The following BCAS3 variants were observed in gnomAD, a reference collection of about 807,000 sequenced individuals.
The protein encoded by BCAS3 is BCAS3 microtubule associated cell migration factor.
Under a neutral mutation model 116.1 loss-of-function variants are expected in BCAS3, and 53 were observed. That is an observed-to-expected ratio of 0.46 (90% CI 0.37 to 0.57). The LOEUF is 0.57. BCAS3 is among the 20% of genes least tolerant of loss of function. The pLI, the probability that BCAS3 is intolerant of heterozygous loss-of-function variation, is 0.00. For synonymous variants in BCAS3, 391 were observed against 408.2 expected (o/e 0.96, Z 0.51); for missense variants, 917 against 1,165.4 (o/e 0.79, Z 3.10).
Position 61,136,273 on chromosome 17 carries a change from T to C in BCAS3, c.2425+51709T>C, listed in dbSNP as rs4419113. On this transcript the variant is annotated intron_variant, in intron 22 of 23. Transcript: ENST00000407086. This position sits in a 1 kb window ranked among gnomAD's most constrained non-coding sequence, Gnocchi z 4.4. ...AGCATCCCCTCTTCTTCTCTGCACC[T>C]GGAGCATCTTGGACATAGCTTTGTT... Among the ~76,000 whole-genome samples the C allele has an allele frequency of 1, 152,268 of 152,346 alleles. 76,096 individuals are homozygous for C. The highest frequency in any genetic ancestry group is 1 in the Middle Eastern group (294 of 294).
chr17:60,757,394 A>ATGTGTGTGTGTGTGTGTG (rs61645091), intron 6 of BCAS3, among the ~76,000 whole-genome samples: 14 of 136,680 alleles, frequency 1.0e-4, no homozygotes, highest in South Asian at 4.9e-4. Context: ...CAGCATGTAT[A>ATGTGTGTGTGTGTGTGTG]TGTGTGTGTG....
At chr17:61,075,222 G>A (rs781675203) in intron 20 of BCAS3, among the ~76,000 whole-genome samples, 54 of 152,076 alleles carry the variant, frequency 3.6e-4, no homozygotes, top group Non-Finnish European at 7.4e-5. Flanking sequence ...TTATACGTGT[G>A]TGTATATATA....
At chr17:60,710,203 A>T (rs983839945) in intron 5 of BCAS3, among the ~76,000 whole-genome samples, 1 of 152,104 alleles carries the variant, frequency 6.6e-6, no homozygotes, top group Admixed American at 6.6e-5. Flanking sequence ...TAATAATTGT[A>T]TTCAGGAAAC....
At chr17:60,881,138 C>T (rs2056102309) in intron 9 of BCAS3, among the ~76,000 whole-genome samples, 1 of 152,076 alleles carries the variant, frequency 6.6e-6, no homozygotes, top group African/African-American at 2.4e-5. Flanking sequence ...CCACACCCTG[C>T]TAATTTTTTG....
At chr17:61,334,799 A>T (rs548368382) in intron 22 of BCAS3, among the ~76,000 whole-genome samples, 2 of 152,340 alleles carry the variant, frequency 1.3e-5, no homozygotes, top group Non-Finnish European at 2.9e-5. Context: ...GGGAAACCTA[A>T]GTGTCACAGG....
intron 7 of BCAS3, among the ~76,000 whole-genome samples, chr17:60,821,547 T>C (rs562584200): frequency 6.6e-6 from 1 of 152,334 alleles, no homozygotes; most frequent in South Asian, 2.1e-4. Context: ...ATAACCAATG[T>C]TCTACTTTCT....
chr17:60,959,251 G>A (rs2061298989), intron 14 of BCAS3, among the ~76,000 whole-genome samples: 1 of 152,018 alleles, frequency 6.6e-6, no homozygotes, highest in Non-Finnish European at 1.5e-5. Flanking sequence ...AGACTGCAGT[G>A]AGTCATGATC....
Position 61,324,056 on chromosome 17 carries a change from C to G in BCAS3, c.2426-44271C>G, listed in dbSNP as rs2055530261. ...CTTCTTTGGCTGGAGCCGCCTTCCT[C>G]TGTGTTCTCAGTGTGCTCTTGTAAC... On this transcript the variant is annotated intron_variant, in intron 22 of 23. Transcript: ENST00000407086. The surrounding 1 kb of genome is among the most constrained non-coding windows in gnomAD (Gnocchi z 4.6). Among the ~76,000 whole-genome samples, 1 of 152,242 alleles carries G rather than the reference C, an allele frequency of 6.6e-6. No homozygotes were observed. The highest frequency in any genetic ancestry group is 2.1e-4 in the South Asian group (1 of 4,834).
At chr17:60,750,939 G>C (rs550167404) in intron 6 of BCAS3, among the ~76,000 whole-genome samples, 3 of 152,180 alleles carry the variant, frequency 2.0e-5, no homozygotes, top group South Asian at 2.1e-4. Flanking sequence ...ACATTTGCAG[G>C]CTGTTTTTAT....
chr17:61,234,803 A>G (rs1311892693), intron 22 of BCAS3, among the ~76,000 whole-genome samples: 2 of 136,494 alleles, frequency 1.5e-5, no homozygotes, highest in Non-Finnish European at 3.2e-5. Flanking sequence ...AAAAAAAAAA[A>G]ATCATAGTAC....
At position 61,151,837 on chromosome 17, in the gene BCAS3, A is replaced by G. The variant is rs933858766; in HGVS notation, c.2425+67273A>G. Among the ~76,000 whole-genome samples, 9 of 152,214 alleles carry G rather than the reference A, an allele frequency of 5.9e-5. No homozygotes were observed. Among genetic ancestry groups the G allele is most frequent in the African/African-American group, 2.2e-4 (9 of 41,442 alleles). On this transcript the variant is annotated intron_variant, in intron 22 of 23. Coordinates refer to ENST00000407086, the MANE Select transcript of BCAS3 (RefSeq NM_017679.5). This position sits in a 1 kb window ranked among gnomAD's most constrained non-coding sequence, Gnocchi z 4.8. ...GGATACAGTGTTGATGAGATAGACC[A>G]CAGGCTTTTCATGCCAATACTCCTC...
chr17:61,173,355 A>T (rs1300126898), intron 22 of BCAS3, among the ~76,000 whole-genome samples: 4 of 151,622 alleles, frequency 2.6e-5, no homozygotes, highest in Non-Finnish European at 5.9e-5. Context: ...AGGCTGAGGC[A>T]TGAGAATCAT....
In BCAS3 at chr17:60,679,525, G is replaced by T; in HGVS notation, c.68G>T (p.Arg23Leu). Residue 23 changes from arginine to leucine, a missense_variant, in exon 2 of 24, where the codon CGC becomes CTC. By Grantham distance (102) the Arg-to-Leu change is moderately radical (BLOSUM62 -2). Coordinates refer to ENST00000407086, the MANE Select transcript of BCAS3 (RefSeq NM_017679.5). ...PSRCTGGVVV[R>L]PQAVTEQSYM... ...CGTTGTACTGGTGGAGTTGTGGTTC[G>T]CCCCCAGGCTGTCACGTAAGCACAT... 1 of 1,612,856 alleles carries T rather than the reference G, an allele frequency of 6.2e-7. No homozygotes were observed. Among genetic ancestry groups the T allele is most frequent in the African/African-American group, 1.3e-5 (1 of 74,998 alleles).
At chr17:61,057,847 C>G (rs1488843255) in intron 19 of BCAS3, among the ~76,000 whole-genome samples, 1 of 151,924 alleles carries the variant, frequency 6.6e-6, no homozygotes, top group Admixed American at 6.5e-5. Flanking sequence ...CCAAGAATAC[C>G]TAGAAATCCC....
At chr17:60,809,293 A>G (rs1421069709) in intron 7 of BCAS3, among the ~76,000 whole-genome samples, 1 of 150,878 alleles carries the variant, frequency 6.6e-6, no homozygotes, top group Non-Finnish European at 1.5e-5. Flanking sequence ...AAAAAGAGAG[A>G]GTTTGTGACT....
chr17:60,973,027 G>A (rs2062061014), intron 14 of BCAS3, among the ~76,000 whole-genome samples: 1 of 151,956 alleles, frequency 6.6e-6, no homozygotes, highest in African/African-American at 2.4e-5. Context: ...CGTTGTTATT[G>A]GAATCATTAG....
chr17:61,122,370 C>A lies in BCAS3; in HGVS notation c.2425+37806C>A, dbSNP rs952743631. 1.3e-5 allele frequency among the ~76,000 whole-genome samples: 2 copies of A among 152,144 alleles called. No individual in the cohort carries two copies. Among genetic ancestry groups the A allele is most frequent in the Admixed American group, 1.3e-4 (2 of 15,254 alleles). ...CCTTGGTTTTGAGCCAGATAACAAACCTTTCAGTTGAATTTTTTCCATCCA... is the reference window on the plus strand; with the variant it reads ...CCTTGGTTTTGAGCCAGATAACAAAACTTTCAGTTGAATTTTTTCCATCCA... On this transcript the variant is annotated intron_variant, in intron 22 of 23. Transcript: ENST00000407086. The surrounding 1 kb of genome is among the most constrained non-coding windows in gnomAD (Gnocchi z 4.6).
At chr17:61,055,106 C>T (rs1159164514) in intron 19 of BCAS3, among the ~76,000 whole-genome samples, 2 of 152,094 alleles carry the variant, frequency 1.3e-5, no homozygotes, top group African/African-American at 4.8e-5. Flanking sequence ...TATATGTTTG[C>T]CCTTTTCTTC....
chr17:61,267,135 G>A (rs1427728431), intron 22 of BCAS3, among the ~76,000 whole-genome samples: 1 of 152,100 alleles, frequency 6.6e-6, no homozygotes, highest in African/African-American at 2.4e-5. Context: ...TCGGCTCACC[G>A]CAAGCTCCGC....
Sources: allele counts gnomAD v4.1 joint callset (sites outside exome capture counted in the v4.1 genomes callset), GRCh38; gene constraint gnomAD v4.1.1; non-coding constraint Gnocchi (gnomAD v3.1); transcripts MANE v1.5; gene names NCBI Gene and HGNC (gene_info 2026-07-23, HGNC 2026-07-21).